The following CNTN3 variants were observed in gnomAD, a reference collection of about 807,000 sequenced individuals.
The protein encoded by CNTN3 is contactin-3.
In CNTN3, 60 loss-of-function variants were observed where a neutral mutation model predicts 119.1. The observed-to-expected ratio is 0.50, with a 90% CI of 0.41 to 0.62. The LOEUF (loss-of-function observed/expected upper bound fraction) is 0.62, where lower values mean the gene tolerates loss of function less well. Ranked by LOEUF, CNTN3 falls within the 20% of genes least tolerant of loss-of-function variation. The pLI, the probability that CNTN3 is intolerant of heterozygous loss-of-function variation, is 0.00. For synonymous variants in CNTN3, 450 were observed against 438.7 expected (o/e 1.03, Z -0.32); for missense variants, 1,101 against 1,242.4 (o/e 0.89, Z 1.71).
chr3:74,401,152 A>G (rs2106849375), intron 5 of CNTN3, among the ~76,000 whole-genome samples: 1 of 149,332 alleles, frequency 6.7e-6, no homozygotes, highest in African/African-American at 2.4e-5. Flanking sequence ...AAATAAACTC[A>G]GTTATTAATG....
At chr3:74,531,126 C>T (rs759544366) in intron 1 of CNTN3, among the ~76,000 whole-genome samples, 15 of 151,834 alleles carry the variant, frequency 9.9e-5, no homozygotes, top group Admixed American at 6.6e-4. Context: ...TGTAGACCTT[C>T]GCTCCACACC....
At chr3:74,478,570 T>C (rs1292183416) in intron 4 of CNTN3, among the ~76,000 whole-genome samples, 1 of 152,120 alleles carries the variant, frequency 6.6e-6, no homozygotes, top group Non-Finnish European at 1.5e-5. Flanking sequence ...CTGGATTTCT[T>C]TCCCCTCTGG....
chr3:74,372,578 C>A (rs1368401782), intron 5 of CNTN3, among the ~76,000 whole-genome samples: 1 of 151,020 alleles, frequency 6.6e-6, no homozygotes, highest in Non-Finnish European at 1.5e-5. Context: ...GTAGTGCTTT[C>A]CCAATAGAGT....
At chr3:74,517,010 T>A (rs1002377986) in intron 2 of CNTN3, among the ~76,000 whole-genome samples, 1 of 151,878 alleles carries the variant, frequency 6.6e-6, no homozygotes, top group African/African-American at 2.4e-5. Flanking sequence ...TCTAAATTTC[T>A]TCCTGAGGGC....
intron 1 of CNTN3, among the ~76,000 whole-genome samples, 177 bp downstream of exon 1, chr3:74,614,214 C>G (rs1245845720): frequency 6.6e-6 from 1 of 152,230 alleles, no homozygotes; most frequent in East Asian, 1.9e-4. Flanking sequence ...GAAAAATAAT[C>G]TCCCCAGAGC....
intron 20 of CNTN3, among the ~76,000 whole-genome samples, chr3:74,271,136 C>T (rs1361318453): frequency 6.6e-6 from 1 of 152,118 alleles, no homozygotes; most frequent in African/African-American, 2.4e-5. Flanking sequence ...CAAGTGATTA[C>T]TATCATATAA....
intron 4 of CNTN3, among the ~76,000 whole-genome samples, chr3:74,484,555 T>C (rs947768894): frequency 4.6e-5 from 7 of 152,052 alleles, no homozygotes; most frequent in African/African-American, 1.4e-4. Flanking sequence ...AATGTATAAG[T>C]ACAAAAAAGG....
intron 13 of CNTN3, among the ~76,000 whole-genome samples, chr3:74,312,455 CAAAAAAAAAA>C (rs745514119): frequency 7.2e-5 from 2 of 27,808 alleles, no homozygotes; most frequent in South Asian, 4.2e-3. Flanking sequence ...GACTCCATCT[CAAAAAAAAAA>C]AAAAAAAAAA....
At chr3:74,460,026 T>A (rs950336232) in intron 4 of CNTN3, among the ~76,000 whole-genome samples, 1 of 152,064 alleles carries the variant, frequency 6.6e-6, no homozygotes, top group African/African-American at 2.4e-5. Context: ...GTACCCTTCC[T>A]CCAATGAAAT....
At chr3:74,442,166 CACACACACACAGAG>C (rs1701977117) in intron 4 of CNTN3, among the ~76,000 whole-genome samples, 1 of 115,218 alleles carries the variant, frequency 8.7e-6, no homozygotes, top group Admixed American at 1.0e-4. Context: ...CACACACACA[CACACACACACAGAG>C]AGAGAGAGAT....
chr3:74,366,457 C>CTA (rs1704188888), intron 8 of CNTN3, among the ~76,000 whole-genome samples: 1 of 151,910 alleles, frequency 6.6e-6, no homozygotes, highest in Non-Finnish European at 1.5e-5. Context: ...AAGTCACTTA[C>CTA]TATATACAGT....
chr3:74,362,351 C>T (rs187678336), intron 10 of CNTN3, among the ~76,000 whole-genome samples: 1 of 152,152 alleles, frequency 6.6e-6, no homozygotes, highest in Non-Finnish European at 1.5e-5. Context: ...GTTAGCTCCA[C>T]GAAGACAGGA....
chr3:74,568,801 C>T (rs1010362729), intron 1 of CNTN3, among the ~76,000 whole-genome samples: 8 of 152,148 alleles, frequency 5.3e-5, no homozygotes, highest in South Asian at 2.1e-4. Context: ...AGAATGTGAG[C>T]GGGCAAAGGG....
chr3:74,378,835 T>G (rs927594886), intron 5 of CNTN3, among the ~76,000 whole-genome samples: 5 of 152,186 alleles, frequency 3.3e-5, no homozygotes, highest in Non-Finnish European at 7.3e-5. Flanking sequence ...CTTATTTTAT[T>G]TTTTCCCTTC....
chr3:74,285,587 G>C, intron 19 of CNTN3, 96 bp from the exon 20 acceptor site: 1 of 1,257,898 alleles, frequency 7.9e-7, no homozygotes, highest in Non-Finnish European at 1.1e-6. Context: ...CTTATTTCCT[G>C]ATTTGTTCAA....
At chr3:74,319,297 G>T (rs1702919226) in intron 13 of CNTN3, among the ~76,000 whole-genome samples, 1 of 152,138 alleles carries the variant, frequency 6.6e-6, no homozygotes, top group African/African-American at 2.4e-5. Flanking sequence ...AAAACAGCAT[G>T]CTACTGGTAC....
chr3:74,508,569 A>C (rs1172946671), intron 2 of CNTN3, among the ~76,000 whole-genome samples: 1 of 152,312 alleles, frequency 6.6e-6, no homozygotes, highest in East Asian at 1.9e-4. Context: ...ACTGATAAAC[A>C]TACAACTGAT....
intron 5 of CNTN3, among the ~76,000 whole-genome samples, chr3:74,383,926 A>G (rs1326945309): frequency 6.6e-6 from 1 of 152,262 alleles, no homozygotes; most frequent in Non-Finnish European, 1.5e-5. Context: ...CAGAAATAAA[A>G]GCAAATGTGT....
intron 1 of CNTN3, among the ~76,000 whole-genome samples, chr3:74,546,139 G>A (rs1703911724): frequency 6.6e-6 from 1 of 152,040 alleles, no homozygotes; most frequent in Non-Finnish European, 1.5e-5. Context: ...GGGACTACAG[G>A]CGCCCGCCAG....
Sources: gnomAD v4.1 joint callset for allele counts (sites outside exome capture counted in the v4.1 genomes callset) on GRCh38, gnomAD v4.1.1 for gene constraint, MANE v1.5 for transcripts, NCBI Gene and HGNC (gene_info 2026-07-23, HGNC 2026-07-21) for gene names.